The following PACRGL variants were observed in gnomAD, a reference collection of about 807,000 sequenced individuals.
The protein encoded by PACRGL is PACRG-like protein.
Under a neutral mutation model 34.5 loss-of-function variants are expected in PACRGL, and 38 were observed. The ratio of observed to expected loss-of-function variants is 1.10; its 90% CI spans 0.85 to 1.44. The LOEUF (loss-of-function observed/expected upper bound fraction) is 1.44, where lower values mean the gene tolerates loss of function less well. Among genes scored for constraint, PACRGL ranks in the 40% most tolerant of loss-of-function variants. The pLI is 0.00. For missense variants in PACRGL, 305 were observed against 281.4 expected (o/e 1.08, Z -0.60); for synonymous variants, 128 against 100.1 (o/e 1.28, Z -1.66).
the PACRGL span, among the ~76,000 whole-genome samples, chr4:20,766,183 G>A: frequency 2.6e-5 from 4 of 152,096 alleles, no homozygotes; most frequent in East Asian, 7.7e-4. Flanking sequence ...ACAAATGAAT[G>A]AACTGTCTTA....
intron 8 of PACRGL, among the ~76,000 whole-genome samples, chr4:20,749,993 G>C (rs1753297939): frequency 6.6e-6 from 1 of 152,180 alleles, no homozygotes; most frequent in Non-Finnish European, 1.5e-5. Flanking sequence ...TGGGTGATGA[G>C]ATTAACACTG....
chr4:20,704,444 C>CTTT, intron 1 of PACRGL, 22 bp from the exon 2 acceptor site: 4 of 1,271,710 alleles, frequency 3.1e-6, no homozygotes, highest in African/African-American at 1.5e-5. Flanking sequence ...TTGAAATCAA[C>CTTT]TTTTTTTTTT....
intron 5 of PACRGL, among the ~76,000 whole-genome samples, chr4:20,710,517 ATATTAG>A (rs1180675984): frequency 3.3e-5 from 5 of 152,190 alleles, no homozygotes; most frequent in African/African-American, 1.2e-4. Context: ...AGTTTGGGTG[ATATTAG>A]TAATAAAGCA....
downstream of PACRGL, among the ~76,000 whole-genome samples, chr4:20,757,737 ACT>A: frequency 6.6e-6 from 1 of 152,186 alleles, no homozygotes; most frequent in South Asian, 2.1e-4. Context: ...AATGGATCAA[ACT>A]CTCTGCACCT....
At position 20,730,970 on chromosome 4, in the gene PACRGL, G is replaced by T. The variant is rs1316559200; in HGVS notation, c.*3629G>T. 1.3e-5 allele frequency among the ~76,000 whole-genome samples: 2 copies of T among 152,166 alleles called. No homozygotes were observed. Among genetic ancestry groups the T allele is most frequent in the Non-Finnish European group, 2.9e-5 (2 of 68,030 alleles). On this transcript the variant is annotated 3_prime_UTR_variant, in exon 9 of 9. Transcript: ENST00000503585. ...CAAAGACCACTGCATGGAAATCCAA[G>T]TTGAGAGACAAGCAGACATCCAGAA...
intron 7 of PACRGL, chr4:20,719,006 G>T (rs374942545): frequency 6.6e-6 from 1 of 152,114 alleles, no homozygotes; most frequent in African/African-American, 2.4e-5. Flanking sequence ...CTCAATTTCC[G>T]AGCCTGTTAT....
chr4:20,718,546 G>T (rs1208925383), intron 7 of PACRGL, among the ~76,000 whole-genome samples: 1 of 152,144 alleles, frequency 6.6e-6, no homozygotes, highest in East Asian at 1.9e-4. Context: ...ATGAAGGGTT[G>T]CTGATTTTGA....
intron 7 of PACRGL, among the ~76,000 whole-genome samples, chr4:20,723,796 C>T (rs1243287508): frequency 6.6e-6 from 1 of 152,086 alleles, no homozygotes; most frequent in African/African-American, 2.4e-5. Context: ...AAGACCTAGA[C>T]ACCACCCTGA....
intron 7 of PACRGL, among the ~76,000 whole-genome samples, chr4:20,717,997 C>G (rs905367224): frequency 6.6e-6 from 1 of 151,956 alleles, no homozygotes; most frequent in Non-Finnish European, 1.5e-5. Context: ...TGTTTGTGTC[C>G]TCTTTTATTT....
chr4:20,721,823 G>C (rs1203291663), intron 7 of PACRGL, among the ~76,000 whole-genome samples: 1 of 152,216 alleles, frequency 6.6e-6, no homozygotes, highest in Non-Finnish European at 1.5e-5. Context: ...CAAACTCCGT[G>C]CTGGGAGAAC....
chr4:20,717,254 T>A lies in PACRGL; in HGVS notation c.609+3715T>A, dbSNP rs371317483. Among the ~76,000 whole-genome samples, 19 of 152,320 alleles carry A rather than the reference T, an allele frequency of 1.2e-4. No individual in the cohort carries two copies. In the East Asian group the frequency reaches 3.1e-3, roughly 25 times the overall value. ...ATTAGCCCTTTGTCAGATGAGTAGATTGCAAAAATTTTTTCCCATTCTGTA... is the reference window on the plus strand; with the variant it reads ...ATTAGCCCTTTGTCAGATGAGTAGAATGCAAAAATTTTTTCCCATTCTGTA... On this transcript the variant is annotated intron_variant, in intron 7 of 8. Coordinates refer to ENST00000503585, the MANE Select transcript of PACRGL (RefSeq NM_001258345.3).
intron 8 of PACRGL, 142 bp downstream of exon 8, chr4:20,725,030 G>C: frequency 2.0e-6 from 1 of 501,106 alleles, no homozygotes; most frequent in South Asian, 5.1e-5. Flanking sequence ...TTTCCTTTTA[G>C]AACTCAAGAG....
chr4:20,732,251 T>A lies in PACRGL; in HGVS notation c.*4910T>A, dbSNP rs1208793636. On this transcript the variant is annotated 3_prime_UTR_variant, in exon 9 of 9. Transcript: ENST00000503585. ...TAAAAATGATAGGGCCAAATGCTTC[T>A]GGCTTTTCCCTTTTCAATATAATGT... 2.0e-5 allele frequency among the ~76,000 whole-genome samples: 3 copies of A among 152,232 alleles called. No homozygotes were observed. Among genetic ancestry groups the A allele is most frequent in the Admixed American group, 1.3e-4 (2 of 15,282 alleles).
chr4:20,713,239 G>T, intron 6 of PACRGL, 193 bp from the exon 7 acceptor site: 4 of 579,488 alleles, frequency 6.9e-6, no homozygotes, highest in South Asian at 2.5e-5. Flanking sequence ...TGGAAAATTT[G>T]TTTTTTGCTT....
Position 20,712,374 on chromosome 4 carries a change from A to G in PACRGL, c.367-414A>G, listed in dbSNP as rs117151113. On this transcript the variant is annotated intron_variant, in intron 5 of 8. Coordinates refer to ENST00000503585, the MANE Select transcript of PACRGL (RefSeq NM_001258345.3). The stretch of plus-strand genomic sequence containing the variant: ...TAGGGTTTTAACTAGCTGCAGATCG[A>G]AACTATTAAAAAAAAATACAATGCA... Among the ~76,000 whole-genome samples the G allele has an allele frequency of 2.3e-3, 351 of 151,886 alleles. 8 individuals carry two copies. In the South Asian group the frequency reaches 0.046, roughly 20 times the overall value.
downstream of PACRGL, among the ~76,000 whole-genome samples, chr4:20,736,969 T>C (rs1749763148): frequency 6.6e-6 from 1 of 152,128 alleles, no homozygotes; most frequent in East Asian, 1.9e-4. Context: ...TATAGAACAG[T>C]AGAATAGAAT....
At chr4:20,743,310 A>G (rs572070182) in intron 8 of PACRGL, among the ~76,000 whole-genome samples, 152 of 152,344 alleles carry the variant, frequency 1.0e-3, no homozygotes, top group African/African-American at 3.4e-3. Context: ...CCACATTGCC[A>G]AGTCAATCCT....
At chr4:20,758,522 C>A in the PACRGL span, among the ~76,000 whole-genome samples, 1 of 152,218 alleles carries the variant, frequency 6.6e-6, no homozygotes, top group Middle Eastern at 3.4e-3. Context: ...TGTGAATGAG[C>A]TTTGTGGCAT....
the PACRGL span, among the ~76,000 whole-genome samples, chr4:20,766,140 G>A: frequency 2.0e-5 from 3 of 151,978 alleles, no homozygotes; most frequent in African/African-American, 4.8e-5. Context: ...TTATCTCGTG[G>A]GAATAGAAAG....
Sources: gnomAD v4.1 joint callset for allele counts (sites outside exome capture counted in the v4.1 genomes callset) on GRCh38, gnomAD v4.1.1 for gene constraint, MANE v1.5 for transcripts, NCBI Gene and HGNC (gene_info 2026-07-23, HGNC 2026-07-21) for gene names.